Variants in EPHA6 observed in about 807,000 individuals in gnomAD.
EPHA6 encodes the protein ephrin type-A receptor 6.
In EPHA6, 50 loss-of-function variants were observed where a neutral mutation model predicts 112.0. The observed-to-expected ratio is 0.45, with a 90% confidence interval of 0.36 to 0.56. EPHA6 has a LOEUF of 0.56. Among genes scored for constraint, EPHA6 ranks in the 20% least tolerant of loss-of-function variants. The pLI, the probability that EPHA6 is intolerant of heterozygous loss-of-function variation, is 0.00. For missense variants in EPHA6, 1,280 were observed against 1,417.4 expected (o/e 0.90, Z 1.56); for synonymous variants, 529 against 490.7 (o/e 1.08, Z -1.03).
rs577661501 is a variant in EPHA6 at position 96,962,176 on chromosome 3, G to C, written c.451-25154G>C. On this transcript the variant is annotated intron_variant, in intron 2 of 17. Coordinates refer to ENST00000389672, the MANE Select transcript of EPHA6 (RefSeq NM_001080448.3). ...AGACAAAACCCAGCCTTCACACACA[G>C]AGCTGATGTTAGAGCATCCTGAAAG... 2.2e-4 allele frequency among the ~76,000 whole-genome samples: 34 copies of C among 152,092 alleles called. No individual in the cohort carries two copies. The South Asian group carries it at 5.0e-3, about 22-fold the overall frequency.
At chr3:96,926,530 T>C (rs1200498977) in intron 2 of EPHA6, among the ~76,000 whole-genome samples, 1 of 152,214 alleles carries the variant, frequency 6.6e-6, no homozygotes, top group Admixed American at 6.5e-5. Flanking sequence ...ACAAGACAAG[T>C]TCCTTCTGCC....
intron 11 of EPHA6, among the ~76,000 whole-genome samples, chr3:97,584,425 T>G (rs959454353): frequency 2.6e-5 from 4 of 152,204 alleles, no homozygotes; most frequent in Admixed American, 2.0e-4. Flanking sequence ...AAAAAACATT[T>G]GAGTTCATTG....
At chr3:96,990,380 C>A (rs1576268684) in intron 3 of EPHA6, among the ~76,000 whole-genome samples, 1 of 151,990 alleles carries the variant, frequency 6.6e-6, no homozygotes, top group Non-Finnish European at 1.5e-5. Context: ...TCTTTATTAT[C>A]CTTTATCTGA....
chr3:96,882,766 G>GTT, intron 2 of EPHA6, among the ~76,000 whole-genome samples: 1 of 127,564 alleles, frequency 7.8e-6, no homozygotes, highest in Admixed American at 9.8e-5. Context: ...GTGTGTGTGT[G>GTT]TGTATAGTCA....
intron 14 of EPHA6, among the ~76,000 whole-genome samples, chr3:97,657,106 C>G (rs995935890): frequency 4.6e-5 from 7 of 151,862 alleles, no homozygotes; most frequent in African/African-American, 1.7e-4. Flanking sequence ...GAATCATTAC[C>G]TTGTTCTTTT....
chr3:97,475,057 T>G (rs1251915137), intron 7 of EPHA6, among the ~76,000 whole-genome samples: 2 of 152,066 alleles, frequency 1.3e-5, no homozygotes, highest in Non-Finnish European at 2.9e-5. Flanking sequence ...CTGATTTAGT[T>G]TTACAGCACA....
chr3:97,481,400 T>A, intron 9 of EPHA6: 1 of 1,477,240 alleles, frequency 6.8e-7, no homozygotes. Flanking sequence ...TTTTTTGCTG[T>A]GGGTTTTATC....
intron 13 of EPHA6, among the ~76,000 whole-genome samples, chr3:97,633,149 A>G (rs936864497): frequency 6.6e-6 from 1 of 152,046 alleles, no homozygotes. Flanking sequence ...TGTCTGAGAG[A>G]GTCTGATGGA....
At chr3:97,176,225 C>G (rs889524653) in intron 3 of EPHA6, among the ~76,000 whole-genome samples, 1 of 151,736 alleles carries the variant, frequency 6.6e-6, no homozygotes, top group African/African-American at 2.4e-5. Context: ...TATTGAACCA[C>G]CTTTGCATTG....
chr3:97,570,324 G>A (rs2093319926), intron 11 of EPHA6, among the ~76,000 whole-genome samples: 1 of 152,206 alleles, frequency 6.6e-6, no homozygotes, highest in Admixed American at 6.5e-5. Flanking sequence ...GGCCGGAGAA[G>A]TGGTGTCAGC....
chr3:96,920,877 T>C (rs529713922), intron 2 of EPHA6, among the ~76,000 whole-genome samples: 5 of 152,136 alleles, frequency 3.3e-5, no homozygotes, highest in Admixed American at 6.5e-5. Context: ...TAGTTTTAAA[T>C]AGAATTTGAA....
chr3:97,286,546 A>C (rs1157783641), intron 5 of EPHA6, among the ~76,000 whole-genome samples: 1 of 152,212 alleles, frequency 6.6e-6, no homozygotes, highest in African/African-American at 2.4e-5. Flanking sequence ...AGGTGGTTGC[A>C]AATAGGTGAA....
intron 11 of EPHA6, among the ~76,000 whole-genome samples, chr3:97,580,201 G>A (rs1196994223): frequency 6.6e-6 from 1 of 152,156 alleles, no homozygotes; most frequent in Non-Finnish European, 1.5e-5. Context: ...GCTTCCAAAT[G>A]TTTTCCTCTC....
intron 11 of EPHA6, among the ~76,000 whole-genome samples, chr3:97,579,215 G>A (rs1378404392): frequency 6.6e-6 from 1 of 152,026 alleles, no homozygotes; most frequent in Non-Finnish European, 1.5e-5. Context: ...AATCTCCTTA[G>A]GTATCTGCCC....
intron 5 of EPHA6, among the ~76,000 whole-genome samples, chr3:97,371,944 C>A (rs761738035): frequency 6.6e-6 from 1 of 152,086 alleles, no homozygotes; most frequent in African/African-American, 2.4e-5. Context: ...TTGGTCAGAA[C>A]GGTTGTCTGC....
At chr3:97,386,150 T>A (rs1009850502) in intron 5 of EPHA6, among the ~76,000 whole-genome samples, 1 of 152,154 alleles carries the variant, frequency 6.6e-6, no homozygotes, top group African/African-American at 2.4e-5. Context: ...TGAGACAAAG[T>A]AGCTCCCTTC....
intron 1 of EPHA6, among the ~76,000 whole-genome samples, chr3:96,855,377 G>A (rs1286224769): frequency 2.6e-5 from 4 of 152,098 alleles, no homozygotes; most frequent in Non-Finnish European, 5.9e-5. Context: ...TTCTGCTTAC[G>A]ACATCCAGTT....
chr3:97,611,158 A>G (rs2093716943), intron 13 of EPHA6, among the ~76,000 whole-genome samples: 1 of 151,694 alleles, frequency 6.6e-6, no homozygotes, highest in Non-Finnish European at 1.5e-5. Context: ...AATGAAACTC[A>G]ATTGCCTCAC....
chr3:97,500,537 T>C (rs1469221745), intron 10 of EPHA6, among the ~76,000 whole-genome samples: 2 of 152,022 alleles, frequency 1.3e-5, no homozygotes, highest in African/African-American at 4.8e-5. Context: ...TGCTAAACCA[T>C]TCATGAGAAA....
Sources: allele counts gnomAD v4.1 joint callset (sites outside exome capture counted in the v4.1 genomes callset), GRCh38; gene constraint gnomAD v4.1.1; transcripts MANE v1.5; gene names NCBI Gene and HGNC (gene_info 2026-07-23, HGNC 2026-07-21).